Variants in SLC24A3 observed in about 807,000 individuals in gnomAD.
SLC24A3 encodes the protein sodium/potassium/calcium exchanger 3.
A neutral mutation model predicts 75.8 loss-of-function variants in SLC24A3; 28 were observed. The ratio of observed to expected loss-of-function variants is 0.37; its 90% CI spans 0.27 to 0.51. The LOEUF is 0.51. Among genes scored for constraint, SLC24A3 ranks in the 20% least tolerant of loss-of-function variants. The pLI is 0.94. For missense variants in SLC24A3, 663 were observed against 847.8 expected, an observed-to-expected ratio of 0.78 and a Z score of 2.71; for synonymous variants, 372 against 334.1, an observed-to-expected ratio of 1.11 and a Z score of -1.24.
At chr20:19,672,186 C>G (rs1215116232) in intron 8 of SLC24A3, among the ~76,000 whole-genome samples, 1 of 152,126 alleles carries the variant, frequency 6.6e-6, no homozygotes, top group Non-Finnish European at 1.5e-5. Flanking sequence ...GGCACTGAAA[C>G]GCAGTGTGCA....
chr20:19,311,320 T>C (rs965395230), intron 2 of SLC24A3, among the ~76,000 whole-genome samples: 5 of 151,946 alleles, frequency 3.3e-5, no homozygotes, highest in African/African-American at 1.2e-4. Context: ...CTGTATGTGG[T>C]GGATCATTCC....
At chr20:19,643,879 A>G (rs2032103185) in intron 6 of SLC24A3, among the ~76,000 whole-genome samples, 1 of 152,226 alleles carries the variant, frequency 6.6e-6, no homozygotes, top group Admixed American at 6.5e-5. Context: ...GTAATTCATA[A>G]AACAAGGAAA....
intron 1 of SLC24A3, among the ~76,000 whole-genome samples, chr20:19,222,843 T>C (rs1283793553): frequency 1.3e-5 from 2 of 149,720 alleles, no homozygotes; most frequent in African/African-American, 4.9e-5. Context: ...CTTCTTTCCT[T>C]CCCTTTTAAC....
At chr20:19,364,076 C>G (rs1985842108) in intron 2 of SLC24A3, among the ~76,000 whole-genome samples, 1 of 152,118 alleles carries the variant, frequency 6.6e-6, no homozygotes, top group South Asian at 2.1e-4. Flanking sequence ...AAACTGGTTT[C>G]CAGAACCTAA....
chr20:19,359,265 T>G (rs757730757), intron 2 of SLC24A3, among the ~76,000 whole-genome samples: 1 of 152,148 alleles, frequency 6.6e-6, no homozygotes, highest in African/African-American at 2.4e-5. Context: ...AAAAAAAAAG[T>G]TCTTGTTCTT....
chr20:19,279,988 T>A lies in SLC24A3; in HGVS notation c.143-971T>A, dbSNP rs373120965. On this transcript the variant is annotated intron_variant, in intron 1 of 16. Transcript: ENST00000328041. ...CAGCAACGTGGCCATTCCACTGTTC[T>A]CTGGGTCAAGGAGAAATGCTTTGTG... Among the ~76,000 whole-genome samples, 43 of 152,322 alleles carry A rather than the reference T, an allele frequency of 2.8e-4. No homozygotes were observed. The South Asian group carries it at 8.7e-3, about 31-fold the overall frequency.
intron 2 of SLC24A3, among the ~76,000 whole-genome samples, chr20:19,410,978 G>A (rs904537861): frequency 6.6e-6 from 1 of 152,192 alleles, no homozygotes; most frequent in East Asian, 1.9e-4. Flanking sequence ...TTGAAGTCTA[G>A]GGAGAAGCCA....
At chr20:19,223,465 A>T (rs1205361332) in intron 1 of SLC24A3, among the ~76,000 whole-genome samples, 1 of 152,190 alleles carries the variant, frequency 6.6e-6, no homozygotes, top group Non-Finnish European at 1.5e-5. Context: ...GTCCCTCAGT[A>T]TCCATGGAGG....
intron 15 of SLC24A3, among the ~76,000 whole-genome samples, chr20:19,710,721 A>G (rs1190349546): frequency 6.6e-6 from 1 of 152,226 alleles, no homozygotes; most frequent in Non-Finnish European, 1.5e-5. Context: ...TTGGCTTAGC[A>G]TGCCTCAAGA....
At chr20:19,490,101 T>C (rs955319782) in intron 2 of SLC24A3, among the ~76,000 whole-genome samples, 6 of 152,180 alleles carry the variant, frequency 3.9e-5, no homozygotes, top group Admixed American at 2.0e-4. Context: ...TCCTTACTCA[T>C]TGATGGCCAG....
At chr20:19,225,522 T>TA (rs906064679) in intron 1 of SLC24A3, among the ~76,000 whole-genome samples, 11 of 152,098 alleles carry the variant, frequency 7.2e-5, no homozygotes, top group African/African-American at 2.4e-4. Flanking sequence ...GCTTTTAAAA[T>TA]AAAAAACCCC....
intron 2 of SLC24A3, among the ~76,000 whole-genome samples, chr20:19,328,689 C>T (rs1209274789): frequency 1.3e-5 from 2 of 152,070 alleles, no homozygotes; most frequent in Non-Finnish European, 2.9e-5. Context: ...GTTGGAAGTG[C>T]TCATTTTGAG....
chr20:19,627,922 G>T (rs1028610423), intron 6 of SLC24A3, among the ~76,000 whole-genome samples: 1 of 152,048 alleles, frequency 6.6e-6, no homozygotes, highest in Non-Finnish European at 1.5e-5. Flanking sequence ...CCTCAGCTGG[G>T]AGTTGTGGCT....
intron 15 of SLC24A3, among the ~76,000 whole-genome samples, chr20:19,715,199 A>G (rs147700080): frequency 6.6e-4 from 100 of 152,362 alleles, no homozygotes; most frequent in Admixed American, 1.0e-3. Context: ...GGATTATCAT[A>G]GTCAGTGTGG....
At chr20:19,279,951 T>C (rs1338658231) in intron 1 of SLC24A3, among the ~76,000 whole-genome samples, 1 of 152,074 alleles carries the variant, frequency 6.6e-6, no homozygotes, top group Non-Finnish European at 1.5e-5. Flanking sequence ...AAAGAGAGAG[T>C]CATGCTGTGG....
chr20:19,681,781 A>G, intron 9 of SLC24A3, 77 bp from the exon 10 acceptor site: 1 of 1,607,490 alleles, frequency 6.2e-7, no homozygotes, highest in East Asian at 2.2e-5. Context: ...GAGAGCTCTC[A>G]GAAGCACTTG....
At chr20:19,592,307 CTCT>C (rs1481244309) in intron 6 of SLC24A3, among the ~76,000 whole-genome samples, 1 of 152,202 alleles carries the variant, frequency 6.6e-6, no homozygotes, top group Admixed American at 6.5e-5. Context: ...GGGTTTTGTC[CTCT>C]TCTTATTATA....
At chr20:19,305,415 G>GCAT (rs1220124364) in intron 2 of SLC24A3, among the ~76,000 whole-genome samples, 1 of 152,042 alleles carries the variant, frequency 6.6e-6, no homozygotes, top group Non-Finnish European at 1.5e-5. Context: ...GGCCAAAGGT[G>GCAT]CATCACATGC....
At chr20:19,449,123 C>T (rs1987437592) in intron 2 of SLC24A3, among the ~76,000 whole-genome samples, 1 of 152,202 alleles carries the variant, frequency 6.6e-6, no homozygotes, top group African/African-American at 2.4e-5. Flanking sequence ...GGGCAACATC[C>T]AGGGACTCCA....
Sources: gnomAD v4.1 joint callset for allele counts (sites outside exome capture counted in the v4.1 genomes callset) on GRCh38, gnomAD v4.1.1 for gene constraint, MANE v1.5 for transcripts, NCBI Gene and HGNC (gene_info 2026-07-23, HGNC 2026-07-21) for gene names.